Variants in TSPEAR observed in about 807,000 individuals in gnomAD.
The protein encoded by TSPEAR is thrombospondin type laminin G domain and EAR repeats.
In TSPEAR, 69 loss-of-function variants were observed where a neutral mutation model predicts 71.6. The observed-to-expected ratio is 0.96, with a 90% CI of 0.79 to 1.18. The LOEUF (loss-of-function observed/expected upper bound fraction) is 1.18. Among genes scored for constraint, TSPEAR ranks in the 50% most tolerant of loss-of-function variants. The probability of loss-of-function intolerance (pLI) is 0.00; values close to 1 mark genes in which losing one functional copy is unlikely to be tolerated. For synonymous variants in TSPEAR, 402 were observed against 387.2 expected, an observed-to-expected ratio of 1.04 and a Z score of -0.45; for missense variants, 971 against 894.9, an observed-to-expected ratio of 1.09 and a Z score of -1.09.
At chr21:44,622,417 C>T (rs1982502086) in intron 1 of TSPEAR, among the ~76,000 whole-genome samples, 1 of 152,168 alleles carries the variant, frequency 6.6e-6, no homozygotes, top group African/African-American at 2.4e-5. Flanking sequence ...CATCAAATGT[C>T]ACCAAAAAAG....
At chr21:44,620,774 A>AT (rs587602339) in intron 1 of TSPEAR, among the ~76,000 whole-genome samples, 1 of 152,062 alleles carries the variant, frequency 6.6e-6, no homozygotes, top group Non-Finnish European at 1.5e-5. Flanking sequence ...AGATGTTTCT[A>AT]TTTTTTTATG....
At chr21:44,601,493 C>G in intron 1 of TSPEAR, 1 of 1,612,648 alleles carries the variant, frequency 6.2e-7, no homozygotes. Flanking sequence ...TGCCAGCAGT[C>G]TAGCTGCCAG....
At chr21:44,626,960 G>A (rs73907082) in intron 1 of TSPEAR, among the ~76,000 whole-genome samples, 1 of 152,090 alleles carries the variant, frequency 6.6e-6, no homozygotes, top group Non-Finnish European at 1.5e-5. Context: ...TTGTGAGCTG[G>A]GCAATGTCAC....
chr21:44,693,957 G>A (rs1475629551), intron 1 of TSPEAR, among the ~76,000 whole-genome samples: 1 of 152,174 alleles, frequency 6.6e-6, no homozygotes, highest in African/African-American at 2.4e-5. Flanking sequence ...ATGAATGGAT[G>A]AATGGATTCA....
intron 1 of TSPEAR, chr21:44,628,439 G>C (rs1200899403): frequency 7.5e-6 from 2 of 267,380 alleles, no homozygotes; most frequent in Non-Finnish European, 1.4e-5. Context: ...GGCCTGGCCT[G>C]GCTCTGGGGG....
In TSPEAR at chr21:44,509,361, A is replaced by C; in HGVS notation, c.1592T>G (p.Val531Gly). Residue 531 changes from valine to glycine, a missense_variant, in exon 10 of 12, where the codon GTC becomes GGC. By Grantham distance (109) the Val-to-Gly change is moderately radical (BLOSUM62 -3). Coordinates refer to ENST00000323084, the MANE Select transcript of TSPEAR (RefSeq NM_144991.3). ...GAAGATCCTCTCCCCGATCTGGAAG[A>C]CCTCCCAGTCTGCAGCACCGAACGT... is the stretch of plus-strand genomic sequence containing the variant. ...FPTFGAADWE[V>G]FQIGERIFLA... 6.2e-7 allele frequency: 1 copy of C among 1,612,812 alleles called. No homozygotes were observed. Among genetic ancestry groups the C allele is most frequent in the Non-Finnish European group, 8.5e-7 (1 of 1,179,822 alleles).
At chr21:44,530,839 C>T (rs782177584) in intron 4 of TSPEAR, among the ~76,000 whole-genome samples, 18 of 152,238 alleles carry the variant, frequency 1.2e-4, no homozygotes, top group Admixed American at 7.2e-4. Flanking sequence ...GACCGTTGGG[C>T]AGGGACCCAA....
chr21:44,654,427 G>A (rs1601534377), intron 1 of TSPEAR: 1 of 1,614,140 alleles, frequency 6.2e-7, no homozygotes. Context: ...GCAGGGGCTG[G>A]GCACACAGCA....
chr21:44,706,712 C>T lies in TSPEAR; in HGVS notation c.82+4721G>A, dbSNP rs1987944194. On this transcript the variant is annotated intron_variant, in intron 1 of 11. Coordinates refer to ENST00000323084, the MANE Select transcript of TSPEAR (RefSeq NM_144991.3). ...CGTTTTCCTTTCCCAGATGCTGGGACGGGGGCAGGGAGGGGCTCCCCAGGC... is the reference window on the plus strand; with the variant it reads ...CGTTTTCCTTTCCCAGATGCTGGGATGGGGGCAGGGAGGGGCTCCCCAGGC... Among the ~76,000 whole-genome samples the T allele has an allele frequency of 2.6e-5, 4 of 152,204 alleles. No homozygotes were observed. In the South Asian group the frequency reaches 8.3e-4, roughly 31 times the overall value.
chr21:44,535,362 A>G (rs587663427), intron 2 of TSPEAR, among the ~76,000 whole-genome samples: 17 of 152,258 alleles, frequency 1.1e-4, no homozygotes, highest in Non-Finnish European at 2.5e-4. Flanking sequence ...CTTATTTCCA[A>G]CTTAGATTCC....
intron 1 of TSPEAR, chr21:44,666,897 G>A: frequency 6.2e-7 from 1 of 1,612,008 alleles, no homozygotes; most frequent in Non-Finnish European, 8.5e-7. Flanking sequence ...GGTGGCGTGT[G>A]GCTGGATAAG....
At chr21:44,529,735 T>C (rs587740277) in intron 5 of TSPEAR, 63 bp downstream of exon 5, 33 of 1,590,144 alleles carry the variant, frequency 2.1e-5, no homozygotes, top group Non-Finnish European at 2.8e-5. Flanking sequence ...AGTTCCCGCC[T>C]GGTGTGAGGC....
chr21:44,648,968 G>A (rs782413708), intron 1 of TSPEAR, among the ~76,000 whole-genome samples: 3 of 152,216 alleles, frequency 2.0e-5, no homozygotes, highest in East Asian at 1.9e-4. Context: ...ACAGCACAGC[G>A]ACAGCTCCGA....
At chr21:44,616,318 ATTC>A (rs1446871244) in intron 1 of TSPEAR, among the ~76,000 whole-genome samples, 4 of 151,978 alleles carry the variant, frequency 2.6e-5, no homozygotes, top group Admixed American at 6.5e-5. Context: ...AGATCTTACA[ATTC>A]TTCTTTTTCT....
chr21:44,623,047 C>T lies in TSPEAR; in HGVS notation c.83-55042G>A, dbSNP rs190172. Among the ~76,000 whole-genome samples, 89,493 of 152,028 alleles carry T rather than the reference C, an allele frequency of 0.59. 26,578 individuals are homozygous for T. The highest frequency in any genetic ancestry group is 0.73 in the South Asian group (3,526 of 4,828). On this transcript the variant is annotated intron_variant, in intron 1 of 11. Transcript: ENST00000323084. The surrounding 1 kb of genome is among the most constrained non-coding windows in gnomAD (Gnocchi z 4.5). ...CTTCACCTTCCACCATGAGCAAAGC[C>T]CCCTGAGGCCTCCCCAGAAGCTGAG...
intron 10 of TSPEAR, 100 bp from the exon 11 acceptor site, chr21:44,504,981 G>A (rs587623559): frequency 2.5e-5 from 21 of 856,142 alleles, no homozygotes; most frequent in South Asian, 7.0e-5. Flanking sequence ...AGGAGGAGCC[G>A]GGGCCAAAGT....
intron 8 of TSPEAR, 53 bp from the exon 9 acceptor site, chr21:44,522,165 G>A: frequency 6.4e-7 from 1 of 1,561,928 alleles, no homozygotes; most frequent in Non-Finnish European, 8.8e-7. Flanking sequence ...ACAGCCCCAT[G>A]GCAGCCCCGA....
In TSPEAR at chr21:44,711,480, G is replaced by C. The variant is rs1988221090; in HGVS notation, c.35C>G (p.Pro12Arg). The C allele has an allele frequency of 6.2e-7, 1 of 1,611,916 alleles. No homozygotes were observed. Among genetic ancestry groups the C allele is most frequent in the African/African-American group, 1.3e-5 (1 of 74,880 alleles). The change falls in exon 1 of 12, where the codon CCC (proline) becomes CGC (arginine). Residue 12 changes from proline to arginine, a missense_variant. By Grantham distance (103) the Pro-to-Arg change is moderately radical. Transcript: ENST00000323084. The surrounding 1 kb of genome is among the most constrained non-coding windows in gnomAD (Gnocchi z 4.5). ...CGTGCCGTGGCCGGGGGCCGCCAGG[G>C]GCAGCACAAAACACAGACTCAGCAG... The part of the protein sequence containing the change: ...SALLSLCFVL[P>R]LAAPGHGTQG...
chr21:44,676,908 G>A, intron 1 of TSPEAR: 1 of 891,078 alleles, frequency 1.1e-6, no homozygotes, highest in Non-Finnish European at 1.9e-6. Context: ...GCTGATCGAT[G>A]TGACGATGTG....
Sources: gnomAD v4.1 joint callset for allele counts (sites outside exome capture counted in the v4.1 genomes callset) on GRCh38, gnomAD v4.1.1 for gene constraint, Gnocchi (gnomAD v3.1) non-coding constraint, MANE v1.5 for transcripts, NCBI Gene and HGNC (gene_info 2026-07-23, HGNC 2026-07-21) for gene names.